Variants in MACF1 observed in about 807,000 individuals in gnomAD.
MACF1 encodes microtubule-actin cross-linking factor 1.
MACF1 carries 193 observed loss-of-function variants against 854.8 expected under a neutral mutation model. The ratio of observed to expected loss-of-function variants is 0.23; its 90% CI spans 0.20 to 0.25. The LOEUF (loss-of-function observed/expected upper bound fraction) is 0.25, where lower values mean the gene tolerates loss of function less well. Ranked by LOEUF, MACF1 falls within the 10% of genes least tolerant of loss-of-function variation. MACF1 has a pLI of 1.00. For missense variants in MACF1, 7,722 were observed against 8,929.1 expected, an observed-to-expected ratio of 0.86 and a Z score of 5.45; for synonymous variants, 3,185 against 3,226.7, an observed-to-expected ratio of 0.99 and a Z score of 0.44.
In MACF1 at chr1:39,331,932, C is replaced by T; in HGVS notation, c.5344C>T (p.His1782Tyr). The change falls in exon 37 of 101, where the codon CAC becomes TAC. Residue 1782 changes from histidine (H) to tyrosine (Y), a missense_variant. Around this residue, in one of 15 missense-constraint regions of MACF1, gnomAD observed 1,531 missense variants for 1,601.6 expected, o/e 0.96. Coordinates refer to ENST00000564288, the MANE Select transcript of MACF1 (RefSeq NM_001394062.1). ...TGGCATAGTAGATCCAAGAACAGGACACAGACTTACAGTGGAAGAGGCTGT... is the reference window on the plus strand; with the variant it reads ...TGGCATAGTAGATCCAAGAACAGGATACAGACTTACAGTGGAAGAGGCTGT... ...AGGIVDPRTG[H>Y]RLTVEEAVRH... The T allele has an allele frequency of 6.2e-7, 1 of 1,614,102 alleles. No homozygotes were observed. Among genetic ancestry groups the T allele is most frequent in the East Asian group, 2.2e-5 (1 of 44,882 alleles).
chr1:39,202,994 C>T (rs1215715122), upstream of MACF1, among the ~76,000 whole-genome samples: 1 of 151,908 alleles, frequency 6.6e-6, no homozygotes, highest in Non-Finnish European at 1.5e-5. Flanking sequence ...AGGTTATGCA[C>T]ATCTAAAACT....
chr1:39,259,802 A>G (rs765411116), intron 6 of MACF1, among the ~76,000 whole-genome samples: 8 of 151,158 alleles, frequency 5.3e-5, no homozygotes, highest in Non-Finnish European at 1.0e-4. Context: ...TTGTATTTTT[A>G]GTACAGGGTT....
At chr1:39,348,996 C>T (rs1647119712) in intron 41 of MACF1, among the ~76,000 whole-genome samples, 1 of 152,146 alleles carries the variant, frequency 6.6e-6, no homozygotes, top group Non-Finnish European at 1.5e-5. Flanking sequence ...ATAAAGTCAG[C>T]TCAATTATTA....
intron 97 of MACF1, among the ~76,000 whole-genome samples, chr1:39,479,545 C>T (rs537158604): frequency 5.9e-4 from 90 of 152,310 alleles, no homozygotes; most frequent in African/African-American, 2.0e-3. Flanking sequence ...CAAAGCAAGA[C>T]GCTAGCAGCA....
Position 39,205,732 on chromosome 1 carries a change from T to C in MACF1, c.109+601T>C, listed in dbSNP as rs575278018. On this transcript the variant is annotated intron_variant, in intron 1 of 100. Transcript: ENST00000564288. ...AGTTTGGCTATGTGTATCCAAATCA[T>C]CTTGTTCAATGCAAGGAAGTTAATC... 8.5e-4 allele frequency among the ~76,000 whole-genome samples: 130 copies of C among 152,286 alleles called. 1 individual carries two copies. The highest frequency in any genetic ancestry group is 3.0e-3 in the African/African-American group (125 of 41,556).
At chr1:39,464,849 GGT>G (rs1644629494) in intron 94 of MACF1, 1 of 445,728 alleles carries the variant, frequency 2.2e-6, no homozygotes, top group Non-Finnish European at 4.1e-6. Flanking sequence ...CGGGGTCGGA[GGT>G]TGCAGTGAGC....
Position 39,333,527 on chromosome 1 carries a change from C to G in MACF1, c.6939C>G (p.Ser2313=). 2 of 1,614,080 alleles carry G rather than the reference C, an allele frequency of 1.2e-6. No homozygotes were observed. Among genetic ancestry groups the G allele is most frequent in the African/African-American group, 2.7e-5 (2 of 75,006 alleles). The change falls in exon 37 of 101, where the codon TCC becomes TCG. Residue 2313 remains serine (S), a synonymous_variant. Coordinates refer to ENST00000564288, the MANE Select transcript of MACF1 (RefSeq NM_001394062.1). ...GQKLLLNEAI[S]RGIVPSHTAV... ...AGCTCTTACTAAATGAAGCAATATC[C>G]CGAGGCATTGTGCCAAGTCACACTG... is the stretch of plus-strand genomic sequence containing the variant.
chr1:39,296,194 A>G (rs1645896843), intron 20 of MACF1, among the ~76,000 whole-genome samples: 1 of 152,174 alleles, frequency 6.6e-6, no homozygotes, highest in Non-Finnish European at 1.5e-5. Flanking sequence ...ATGTGTCTCT[A>G]GCATCCAGCA....
At chr1:39,147,438 CTTTCTTTCCTCTTTCT>C (rs1643493824) in intron 2 of MACF1, among the ~76,000 whole-genome samples, 1 of 142,382 alleles carries the variant, frequency 7.0e-6, no homozygotes, top group Admixed American at 7.5e-5. Context: ...CTTTCCTTTC[CTTTCTTTCCTCTTTCT>C]TTTCTTTCCT....
At chr1:39,111,542 C>T (rs1366690212) in intron 2 of MACF1, among the ~76,000 whole-genome samples, 5 of 152,006 alleles carry the variant, frequency 3.3e-5, no homozygotes, top group Admixed American at 6.6e-5. Flanking sequence ...ACCACACACC[C>T]GGCTAATTTT....
intron 91 of MACF1, chr1:39,459,721 T>C (rs1644514198): frequency 1.5e-6 from 1 of 682,448 alleles, no homozygotes; most frequent in African/African-American, 1.9e-5. Context: ...TATTTTGAAG[T>C]GTCATTACCC....
At chr1:39,300,460 C>CAT in intron 22 of MACF1, 98 bp downstream of exon 22, 1 of 1,211,312 alleles carries the variant, frequency 8.3e-7, no homozygotes, top group African/African-American at 1.6e-5. Flanking sequence ...CAAATTACAG[C>CAT]GTTTTTAAAA....
At chr1:39,448,503 G>T in intron 83 of MACF1, 91 bp from the exon 84 acceptor site, 3 of 1,060,924 alleles carry the variant, frequency 2.8e-6, no homozygotes, top group South Asian at 4.2e-5. Flanking sequence ...TACTTTATTT[G>T]GTTTCTAGCC....
rs1645002133 is a variant in MACF1 at position 39,480,991 on chromosome 1, G to A, written c.22242G>A (p.Arg7414=). Residue 7414 remains arginine (R), a synonymous_variant, in exon 99 of 101, where the codon AGG becomes AGA. Transcript: ENST00000564288. The part of the protein sequence containing the change: ...LVNSKAGTPI[R]DSHSPDLQLP... ...ACAGTAAAGCTGGCACCCCTATCAG[G>A]GACAGCCATTCTCCTGACCTCCAGC... The A allele has an allele frequency of 9.0e-6, 14 of 1,550,502 alleles. No homozygotes were observed. Among genetic ancestry groups the A allele is most frequent in the Non-Finnish European group, 1.2e-5 (14 of 1,146,964 alleles).
chr1:39,236,949 C>T (rs765107384), intron 2 of MACF1, among the ~76,000 whole-genome samples: 4 of 152,220 alleles, frequency 2.6e-5, no homozygotes, highest in African/African-American at 7.2e-5. Flanking sequence ...GCCACCGCGT[C>T]CAGCCGTGAT....
At chr1:39,446,414 T>G (rs1183545585) in intron 80 of MACF1, among the ~76,000 whole-genome samples, 1 of 151,940 alleles carries the variant, frequency 6.6e-6, no homozygotes. Context: ...AACATTTCTA[T>G]ATATATTTGA....
chr1:39,263,182 T>C (rs1645185269), intron 6 of MACF1, among the ~76,000 whole-genome samples: 1 of 152,168 alleles, frequency 6.6e-6, no homozygotes, highest in African/African-American at 2.4e-5. Context: ...GTCTGTGTTA[T>C]TGGTGTTAAT....
At chr1:39,384,153 C>T (rs754860071) in intron 56 of MACF1, among the ~76,000 whole-genome samples, 63 of 152,042 alleles carry the variant, frequency 4.1e-4, no homozygotes, top group Non-Finnish European at 7.2e-4. Context: ...GAGAACTGCT[C>T]GTTCTTTATT....
intron 15 of MACF1, among the ~76,000 whole-genome samples, chr1:39,290,020 T>C (rs1645743957): frequency 6.6e-6 from 1 of 152,064 alleles, no homozygotes; most frequent in Non-Finnish European, 1.5e-5. Context: ...CTTTGTTGAT[T>C]CACTGTGCAG....
Sources: allele counts gnomAD v4.1 joint callset (sites outside exome capture counted in the v4.1 genomes callset), GRCh38; gene constraint gnomAD v4.1.1; regional missense constraint gnomAD v4.1.1; transcripts MANE v1.5; gene names NCBI Gene and HGNC (gene_info 2026-07-23, HGNC 2026-07-21).